Variants in MSH5 observed in about 807,000 individuals in gnomAD.
MSH5 encodes mutS homolog 5, also known as mutS protein homolog 5.
A neutral mutation model predicts 107.7 loss-of-function variants in MSH5; 78 were observed. That is an observed-to-expected ratio of 0.72 (90% CI 0.60 to 0.87). MSH5 has a LOEUF of 0.87. Among genes scored for constraint, MSH5 ranks in the 40% least tolerant of loss-of-function variants. The pLI is 0.00. For synonymous variants in MSH5, 326 were observed against 399.5 expected (o/e 0.82, Z 2.19); for missense variants, 889 against 1,046.6 (o/e 0.85, Z 2.08).
rs755500766 is a variant in MSH5, at chr6:31,740,423, T to C, written c.-13-31T>C. On this transcript the variant is annotated intron_variant, in intron 1 of 24. Coordinates refer to ENST00000375750, the MANE Select transcript of MSH5 (RefSeq NM_172166.4). This position sits in a 1 kb window ranked among gnomAD's most constrained non-coding sequence, Gnocchi z 4.4. ...CCGGCCTCCTCTGTGAATCGTTGCT[T>C]CCGAACCGCCCTCACTTTTTGCATC... The C allele has an allele frequency of 1.2e-5, 18 of 1,541,772 alleles. No individual in the cohort carries two copies. In the Middle Eastern group the frequency reaches 1.1e-3, roughly 90 times the overall value.
chr6:31,754,753 CTTTTTTT>C (rs71552080), intron 12 of MSH5, among the ~76,000 whole-genome samples: 2 of 135,366 alleles, frequency 1.5e-5, no homozygotes, highest in African/African-American at 2.8e-5. Flanking sequence ...TTTCTTTTTT[CTTTTTTT>C]TTTTTTTTTT....
chr6:31,742,290 T>C (rs927960616), intron 3 of MSH5, among the ~76,000 whole-genome samples: 1 of 152,218 alleles, frequency 6.6e-6, no homozygotes, highest in Non-Finnish European at 1.5e-5. Flanking sequence ...AGTGTCTTGC[T>C]CCGTCACTCA....
At chr6:31,741,142 C>T (rs372208812) in intron 2 of MSH5, 21 bp from the exon 3 acceptor site, 21 of 1,612,002 alleles carry the variant, frequency 1.3e-5, no homozygotes, top group African/African-American at 2.7e-5. Context: ...ATAGTGATTT[C>T]CTTTCTTCCT....
chr6:31,760,662 C>T lies in MSH5; in HGVS notation c.1813-28C>T, dbSNP rs561747054. 1.2e-6 allele frequency: 2 copies of T among 1,612,550 alleles called. No individual in the cohort carries two copies. Among genetic ancestry groups the T allele is most frequent in the East Asian group, 4.5e-5 (2 of 44,882 alleles). Reference sequence around the variant, plus strand: ...TTCACCTCAGCCCACGGCACCAGGCCCCAGGCCCTGTCTCCTTCCCTATTC... The same window carrying T: ...TTCACCTCAGCCCACGGCACCAGGCTCCAGGCCCTGTCTCCTTCCCTATTC... On this transcript the variant is annotated intron_variant, in intron 19 of 24. Coordinates refer to ENST00000375750, the MANE Select transcript of MSH5 (RefSeq NM_172166.4). The surrounding 1 kb of genome is among the most constrained non-coding windows in gnomAD (Gnocchi z 5.6).
At position 31,761,102 on chromosome 6, in the gene MSH5, A is replaced by C. The variant is rs2151379639; in HGVS notation, c.1963-86A>C. On this transcript the variant is annotated intron_variant, in intron 20 of 24. Transcript: ENST00000375750. The surrounding 1 kb of genome is among the most constrained non-coding windows in gnomAD (Gnocchi z 5.3). ...TTGCAGTGCAGTAGGGAGGGCATGT[A>C]TACAGCTTTATTCACAGGCCAACTG... The C allele has an allele frequency of 7.5e-7, 1 of 1,327,084 alleles. No homozygotes were observed. Among genetic ancestry groups the C allele is most frequent in the East Asian group, 2.4e-5 (1 of 40,868 alleles). 82.2% of individuals were successfully genotyped at this position (1,327,084 alleles called of 1,614,324 possible).
At chr6:31,741,401 C>T (rs1314258493) in intron 3 of MSH5, 115 bp downstream of exon 3, 11 of 1,378,790 alleles carry the variant, frequency 8.0e-6, no homozygotes, top group Admixed American at 2.1e-5. Flanking sequence ...TTTTTCTAGA[C>T]AGAGTCTTGC....
rs894226491 is a variant in MSH5 at position 31,740,334 on chromosome 6, AG to A, written c.-13-119del. On this transcript the variant is annotated intron_variant, in intron 1 of 24. Transcript: ENST00000375750. This position sits in a 1 kb window ranked among gnomAD's most constrained non-coding sequence, Gnocchi z 4.4. Reference sequence around the variant, plus strand: ...GTGTCCACAGCTCTCCACGCCCCTCAGCCCTGCCCCGCAGCCCTGTAGCAGA... The same window carrying A: ...GTGTCCACAGCTCTCCACGCCCCTCACCCTGCCCCGCAGCCCTGTAGCAGA... The A allele has an allele frequency of 9.4e-7, 1 of 1,062,398 alleles. No homozygotes were observed. The highest frequency in any genetic ancestry group is 1.7e-5 in the African/African-American group (1 of 60,286). The allele number at this position is 1,062,398 out of a possible 1,614,324, so 65.8% of individuals were successfully genotyped here.
chr6:31,742,229 A>G (rs1320909444), intron 3 of MSH5, among the ~76,000 whole-genome samples: 3 of 152,186 alleles, frequency 2.0e-5, no homozygotes. Flanking sequence ...ATTATTTAAC[A>G]AATATTTGTG....
chr6:31,762,336 T>C, intron 24 of MSH5, 84 bp from the exon 25 acceptor site: 1 of 1,359,536 alleles, frequency 7.4e-7, no homozygotes, highest in South Asian at 1.2e-5. Context: ...GATCCCAGGT[T>C]TTCTGTGCCA....
Position 31,758,701 on chromosome 6 carries a change from G to C in MSH5, c.1217-65G>C, listed in dbSNP as rs535762490. The C allele has an allele frequency of 5.0e-6, 8 of 1,609,342 alleles. No individual in the cohort carries two copies. Among genetic ancestry groups the C allele is most frequent in the Non-Finnish European group, 6.8e-6 (8 of 1,175,900 alleles). On this transcript the variant is annotated intron_variant, in intron 14 of 24. Coordinates refer to ENST00000375750, the MANE Select transcript of MSH5 (RefSeq NM_172166.4). The surrounding 1 kb of genome is among the most constrained non-coding windows in gnomAD (Gnocchi z 5.1). ...CTTGGCAGGTGGTCACCACAGCTGG[G>C]GATCTTCATAGCAACCAGGGCAGGA... is the stretch of plus-strand genomic sequence containing the variant.
Position 31,760,817 on chromosome 6 carries a change from C to G in MSH5, c.1940C>G (p.Thr647Ser). 1.9e-6 allele frequency: 3 copies of G among 1,612,890 alleles called. No individual in the cohort carries two copies. The highest frequency in any genetic ancestry group is 2.5e-6 in the Non-Finnish European group (3 of 1,179,990). The change falls in exon 20 of 25, where the codon ACC becomes AGC. Residue 647 changes from threonine (T) to serine (S), a missense_variant. By Grantham distance (58) the Thr-to-Ser change is moderately conservative. Coordinates refer to ENST00000375750, the MANE Select transcript of MSH5 (RefSeq NM_172166.4). This position sits in a 1 kb window ranked among gnomAD's most constrained non-coding sequence, Gnocchi z 5.6. ...SCESISLGLS[T>S]FMIDLNQVAK... is the part of the protein sequence containing the mutation. ...GAATCCATCTCCCTTGGCCTCTCCA[C>G]CTTCATGATCGACCTCAACCAGGTC... is the stretch of plus-strand genomic sequence containing the variant.
chr6:31,760,794 A>C lies in MSH5; in HGVS notation c.1917A>C (p.Glu639Asp). ...TCTTCACACGAATTCATAGCTGCGA[A>C]TCCATCTCCCTTGGCCTCTCCACCT... is the stretch of plus-strand genomic sequence containing the variant. ...DAIFTRIHSCESISLGLSTFM... is the reference protein window; with the variant it reads ...DAIFTRIHSCDSISLGLSTFM... The change falls in exon 20 of 25, where the codon GAA becomes GAC. Residue 639 changes from glutamate to aspartate, a missense_variant. Coordinates refer to ENST00000375750, the MANE Select transcript of MSH5 (RefSeq NM_172166.4). The surrounding 1 kb of genome is among the most constrained non-coding windows in gnomAD (Gnocchi z 5.6). 6.2e-7 allele frequency: 1 copy of C among 1,613,010 alleles called. No individual in the cohort carries two copies. Among genetic ancestry groups the C allele is most frequent in the Non-Finnish European group, 8.5e-7 (1 of 1,180,042 alleles).
In MSH5 at chr6:31,743,188, C is replaced by G. The variant is rs771490466; in HGVS notation, c.415+18C>G. The G allele has an allele frequency of 6.2e-7, 1 of 1,611,508 alleles. No individual in the cohort carries two copies. Among genetic ancestry groups the G allele is most frequent in the East Asian group, 2.2e-5 (1 of 44,870 alleles). The stretch of plus-strand genomic sequence containing the variant: ...GGATTTTGGTATCTCCTTCCTTTTG[C>G]TTTGCCTAACTCCCTGTTCCGGTGT... On this transcript the variant is annotated intron_variant, in intron 5 of 24. Coordinates refer to ENST00000375750, the MANE Select transcript of MSH5 (RefSeq NM_172166.4).
chr6:31,762,383 T>C, intron 24 of MSH5, 37 bp from the exon 25 acceptor site: 11 of 1,505,396 alleles, frequency 7.3e-6, no homozygotes, highest in Non-Finnish European at 1.0e-5. Flanking sequence ...TGGTTGTCCA[T>C]TCTGCCATAA....
Position 31,759,033 on chromosome 6 carries a change from G to T in MSH5, c.1327-64G>T. 1.3e-6 allele frequency: 2 copies of T among 1,494,828 alleles called. No individual in the cohort carries two copies. Among genetic ancestry groups the T allele is most frequent in the South Asian group, 1.1e-5 (1 of 88,694 alleles). The allele number at this position is 1,494,828 out of a possible 1,614,324, so 92.6% of individuals were successfully genotyped here. ...AGGGATCTTTTAAGCTCCCTCTAGG[G>T]TGGGGAGGTGTCCAGTAAGTCTCCA... On this transcript the variant is annotated intron_variant, in intron 15 of 24. Transcript: ENST00000375750. This position sits in a 1 kb window ranked among gnomAD's most constrained non-coding sequence, Gnocchi z 4.7.
intron 9 of MSH5, among the ~76,000 whole-genome samples, chr6:31,745,765 G>GTT (rs9279404): frequency 3.6e-4 from 43 of 120,958 alleles, no homozygotes; most frequent in Non-Finnish European, 4.8e-4. Context: ...TTGTGTCCAG[G>GTT]TTTTTTTTTT....
At position 31,761,355 on chromosome 6, in the gene MSH5, A is replaced by C; in HGVS notation, c.2037+93A>C. ...CAGTGAGGCTGGGCCTCTGGAATGG[A>C]ATAGGGCTGTGTGGGCAGAAAAGAA... On this transcript the variant is annotated intron_variant, in intron 21 of 24. Transcript: ENST00000375750. The surrounding 1 kb of genome is among the most constrained non-coding windows in gnomAD (Gnocchi z 5.3). 3 of 1,605,500 alleles carry C rather than the reference A, an allele frequency of 1.9e-6. No individual in the cohort carries two copies. The Admixed American group carries it at 5.0e-5, about 27-fold the overall frequency.
At position 31,745,246 on chromosome 6, in the gene MSH5, GAT is replaced by G; in HGVS notation, c.694_695del (p.Ile232PhefsTer2). The G allele has an allele frequency of 6.2e-7, 1 of 1,611,520 alleles. No homozygotes were observed. ...CATTTCTCCTCGACAGTGTTCTACA[GAT>G]TTTTAAGAGTGAGTCTCACCCCTCA... ...IDQDTYSVLQIFKSESHPSVY... is the reference protein window; with the variant it reads ...IDQDTYSVLQXFKSESHPSVY... On this transcript the variant is annotated frameshift_variant, in exon 9 of 25. Coordinates refer to ENST00000375750, the MANE Select transcript of MSH5 (RefSeq NM_172166.4). LOFTEE classifies it high-confidence loss of function.
chr6:31,742,958 G>T lies in MSH5; in HGVS notation c.352+1G>T, dbSNP rs1220978593. ...ATGACTCGATTTCTGGGAAAGCTTG[G>T]TAAGGACTTGGTAAAGGATAGAGGG... On this transcript the variant is annotated splice_donor_variant, in intron 4 of 24. Coordinates refer to ENST00000375750, the MANE Select transcript of MSH5 (RefSeq NM_172166.4). LOFTEE classifies it high-confidence loss of function. 6.2e-7 allele frequency: 1 copy of T among 1,612,984 alleles called. No homozygotes were observed. The highest frequency in any genetic ancestry group is 2.2e-5 in the East Asian group (1 of 44,880).
Sources: allele counts gnomAD v4.1 joint callset (sites outside exome capture counted in the v4.1 genomes callset), GRCh38; gene constraint gnomAD v4.1.1; non-coding constraint Gnocchi (gnomAD v3.1); transcripts MANE v1.5; gene names NCBI Gene and HGNC (gene_info 2026-07-23, HGNC 2026-07-21).